PATL2: variants seen among roughly 807,000 people sequenced by gnomAD.
The protein encoded by PATL2 is PAT1 homolog 2.
PATL2 carries 73 observed loss-of-function variants against 77.0 expected under a neutral mutation model. The ratio of observed to expected loss-of-function variants is 0.95; its 90% CI spans 0.78 to 1.15. The LOEUF (loss-of-function observed/expected upper bound fraction) is 1.15, where lower values mean the gene tolerates loss of function less well. Among genes scored for constraint, PATL2 ranks in the 50% most tolerant of loss-of-function variants. PATL2 has a pLI of 0.00. For synonymous variants in PATL2, 265 were observed against 257.1 expected (o/e 1.03, Z -0.29); for missense variants, 618 against 655.4 (o/e 0.94, Z 0.62).
rs764051924 is a variant in PATL2 at position 44,672,148 on chromosome 15, G to C, written c.524C>G (p.Ala175Gly). Residue 175 changes from alanine (A) to glycine (G), a missense_variant, in exon 9 of 18, where the codon GCC (alanine) becomes GGC (glycine). Ala to Gly is a moderately conservative substitution (Grantham distance 60). Coordinates refer to ENST00000682850, the MANE Select transcript of PATL2 (RefSeq NM_001387263.1). ...TGGCTGCTGAGACCAAGGCTTCTTG[G>C]CTGGGGGACTTTAAGCCAGGAGGAA... ...QQHSQTPSPP[A>G]KKPWSQQPDP... 6.4e-7 allele frequency: 1 copy of C among 1,551,704 alleles called. No homozygotes were observed. Among genetic ancestry groups the C allele is most frequent in the South Asian group, 1.2e-5 (1 of 84,068 alleles).
rs1255218531 is a variant in PATL2 at position 44,711,005 on chromosome 15, G to A, written c.-254+15C>T. 4.5e-6 allele frequency: 1 copy of A among 223,342 alleles called. No homozygotes were observed. The highest frequency in any genetic ancestry group is 2.3e-5 in the African/African-American group (1 of 43,850). The allele number at this position is 223,342 out of a possible 1,614,324, so 13.8% of individuals were successfully genotyped here. A position where few individuals can be genotyped will look rare whatever the true frequency, so the allele number is the denominator to read the frequency against. ...TGAGCTGTCCTCAGGATGCTTTTGGGACTATTTTTCTTACCCAGAGAATGG... is the reference window on the plus strand; with the variant it reads ...TGAGCTGTCCTCAGGATGCTTTTGGAACTATTTTTCTTACCCAGAGAATGG... On this transcript the variant is annotated intron_variant, in intron 1 of 17. Coordinates refer to ENST00000682850, the MANE Select transcript of PATL2 (RefSeq NM_001387263.1).
Position 44,673,306 on chromosome 15 carries a change from A to G in PATL2, c.375T>C (p.Phe125=). ...FPSTSSPAQH[F]GPRLPSPDPT... Reference sequence around the variant, plus strand: ...GGTCTGGTGAGGGCAGCCGAGGTCCAAAGTGCTGTGCTGGAGAGCTGGTGC... The same window carrying G: ...GGTCTGGTGAGGGCAGCCGAGGTCCGAAGTGCTGTGCTGGAGAGCTGGTGC... Residue 125 remains phenylalanine, a synonymous_variant, in exon 7 of 18, where the codon TTT becomes TTC. Coordinates refer to ENST00000682850, the MANE Select transcript of PATL2 (RefSeq NM_001387263.1). 1 of 1,551,674 alleles carries G rather than the reference A, an allele frequency of 6.4e-7. No individual in the cohort carries two copies. Among genetic ancestry groups the G allele is most frequent in the Non-Finnish European group, 8.7e-7 (1 of 1,146,990 alleles).
At chr15:44,672,655 C>A (rs1419339304) in intron 7 of PATL2, among the ~76,000 whole-genome samples, 199 bp from the exon 8 acceptor site, 1 of 152,178 alleles carries the variant, frequency 6.6e-6, no homozygotes, top group Non-Finnish European at 1.5e-5. Flanking sequence ...TATTTTCCTG[C>A]AATTTGGCTG....
At chr15:44,670,355 A>G (rs1595960408) in intron 9 of PATL2, among the ~76,000 whole-genome samples, 1 of 152,140 alleles carries the variant, frequency 6.6e-6, no homozygotes, top group East Asian at 1.9e-4. Context: ...CACCATGCCC[A>G]GCTAATTTTT....
At chr15:44,703,549 C>T (rs1187171437) in intron 3 of PATL2, among the ~76,000 whole-genome samples, 2 of 151,788 alleles carry the variant, frequency 1.3e-5, no homozygotes, top group South Asian at 2.1e-4. Context: ...CCTTCTTTGT[C>T]TCTTTTTATA....
intron 3 of PATL2, among the ~76,000 whole-genome samples, chr15:44,683,770 G>A (rs1317380378): frequency 6.6e-6 from 1 of 152,178 alleles, no homozygotes; most frequent in Non-Finnish European, 1.5e-5. Context: ...CTCCTCAAGT[G>A]TGTCCCTGAC....
At chr15:44,666,650 C>A in intron 16 of PATL2, 109 bp from the exon 17 acceptor site, 1 of 1,178,624 alleles carries the variant, frequency 8.5e-7, no homozygotes, top group Admixed American at 3.0e-5. Flanking sequence ...CCCCCACCCC[C>A]AGGTAGCAAT....
At position 44,672,138 on chromosome 15, in the gene PATL2, A is replaced by G. The variant is rs1595963351; in HGVS notation, c.534T>C (p.Pro178=). The G allele has an allele frequency of 6.4e-7, 1 of 1,551,642 alleles. No individual in the cohort carries two copies. The highest frequency in any genetic ancestry group is 8.7e-7 in the Non-Finnish European group (1 of 1,146,966). Residue 178 remains proline (P), a synonymous_variant, in exon 9 of 18, where the codon CCT becomes CCC. Coordinates refer to ENST00000682850, the MANE Select transcript of PATL2 (RefSeq NM_001387263.1). ...CATAGGGGTCTGGCTGCTGAGACCA[A>G]GGCTTCTTGGCTGGGGGACTTTAAG... ...SQTPSPPAKK[P]WSQQPDPYAN...
At position 44,667,342 on chromosome 15, in the gene PATL2, G is replaced by GTT. The variant is rs565511577; in HGVS notation, c.1366-141_1366-140dup. ...TCAAAATATCCACAAGTGCTGTCAGGTTTTACACTGGTGAGCCAAAGAACT... is the reference window on the plus strand; with the variant it reads ...TCAAAATATCCACAAGTGCTGTCAGGTTTTTTACACTGGTGAGCCAAAGAACT... On this transcript the variant is annotated intron_variant, in intron 15 of 17. Coordinates refer to ENST00000682850, the MANE Select transcript of PATL2 (RefSeq NM_001387263.1). 8.8e-4 allele frequency: 573 copies of GTT among 654,604 alleles called. 6 individuals are homozygous for GTT. In the East Asian group the frequency reaches 0.015, roughly 17 times the overall value. 40.5% of individuals were successfully genotyped at this position (654,604 alleles called of 1,614,324 possible). A position where few individuals can be genotyped will look rare whatever the true frequency, so the allele number is the denominator to read the frequency against.
At chr15:44,667,567 A>ACAT (rs2085444221) in intron 15 of PATL2, among the ~76,000 whole-genome samples, 1 of 152,230 alleles carries the variant, frequency 6.6e-6, no homozygotes, top group South Asian at 2.1e-4. Flanking sequence ...GGCATACATG[A>ACAT]GATAACCCAC....
intron 9 of PATL2, among the ~76,000 whole-genome samples, chr15:44,671,120 G>A (rs578203479): frequency 6.6e-6 from 1 of 152,298 alleles, no homozygotes; most frequent in Admixed American, 6.5e-5. Flanking sequence ...TGGAAAGAAA[G>A]GAAAAATACC....
At chr15:44,699,940 T>TC (rs147829162) in intron 3 of PATL2, among the ~76,000 whole-genome samples, 7,982 of 152,250 alleles carry the variant, frequency 0.052, 631 homozygotes, top group African/African-American at 0.17. Context: ...ATGTGATTCT[T>TC]CAGTTTTGTT....
intron 9 of PATL2, 30 bp downstream of exon 9, chr15:44,671,985 A>C: frequency 6.5e-7 from 1 of 1,550,316 alleles, no homozygotes; most frequent in Non-Finnish European, 8.7e-7. Context: ...ACCCAAGGTC[A>C]GAGGCTGGGC....
rs1032910017 is a variant in PATL2 at position 44,680,928 on chromosome 15, T to A, written c.-75-4363A>T. On this transcript the variant is annotated intron_variant, in intron 3 of 17. Transcript: ENST00000682850. ...TCCCCTACCCTTACTTCCACCTAGA[T>A]GCCACCTATATAATTCTCGGGCTTG... Among the ~76,000 whole-genome samples the A allele has an allele frequency of 3.3e-5, 5 of 152,228 alleles. No homozygotes were observed. The East Asian group carries it at 5.8e-4, about 18-fold the overall frequency.
At chr15:44,668,568 A>C in intron 14 of PATL2, 86 bp from the exon 15 acceptor site, 1 of 1,484,256 alleles carries the variant, frequency 6.7e-7, no homozygotes, top group Non-Finnish European at 9.0e-7. Flanking sequence ...TCCCTCGCTG[A>C]CCTGTCTTTG....
intron 3 of PATL2, among the ~76,000 whole-genome samples, chr15:44,697,033 T>C (rs1312980829): frequency 6.6e-6 from 1 of 152,054 alleles, no homozygotes; most frequent in African/African-American, 2.4e-5. Context: ...AACCAAGAGG[T>C]ACTTTGGAGC....
At chr15:44,667,448 AG>A (rs2085435717) in intron 15 of PATL2, among the ~76,000 whole-genome samples, 1 of 152,214 alleles carries the variant, frequency 6.6e-6, no homozygotes, top group South Asian at 2.1e-4. Flanking sequence ...GCATACTTCT[AG>A]GCTTAACTCC....
intron 6 of PATL2, among the ~76,000 whole-genome samples, chr15:44,673,655 CTCT>C (rs1238567768): frequency 1.3e-5 from 2 of 152,182 alleles, no homozygotes; most frequent in African/African-American, 4.8e-5. Context: ...TCTCACCCTC[CTCT>C]CTATAATAGT....
At chr15:44,690,150 T>C (rs145454711) in intron 3 of PATL2, among the ~76,000 whole-genome samples, 5,288 of 152,000 alleles carry the variant, frequency 0.035, 145 homozygotes, top group Non-Finnish European at 0.054. Context: ...GATAGCGCCA[T>C]TGCACTCCAG....
Sources: gnomAD v4.1 joint callset for allele counts (sites outside exome capture counted in the v4.1 genomes callset) on GRCh38, gnomAD v4.1.1 for gene constraint, MANE v1.5 for transcripts, NCBI Gene and HGNC (gene_info 2026-07-23, HGNC 2026-07-21) for gene names.